PDZD9: variants seen among roughly 807,000 people sequenced by gnomAD.
PDZD9 encodes the protein PDZ domain containing 9.
PDZD9 carries 13 observed loss-of-function variants against 16.3 expected under a neutral mutation model. The observed-to-expected ratio is 0.80, with a 90% CI of 0.52 to 1.27. PDZD9 has a LOEUF of 1.27. PDZD9 is among the 50% of genes most tolerant of loss of function. The pLI, the probability that PDZD9 is intolerant of heterozygous loss-of-function variation, is 0.00. For missense variants in PDZD9, 288 were observed against 310.9 expected, an observed-to-expected ratio of 0.93 and a Z score of 0.55; for synonymous variants, 120 against 111.0, an observed-to-expected ratio of 1.08 and a Z score of -0.51.
chr16:21,997,563 A>T (rs1269122223), intron 1 of PDZD9, among the ~76,000 whole-genome samples: 1 of 152,208 alleles, frequency 6.6e-6, no homozygotes, highest in Non-Finnish European at 1.5e-5. Context: ...GGGTCCTGGC[A>T]CATGTCATGG....
chr16:21,996,455 G>A lies in PDZD9; in HGVS notation c.78C>T (p.Ser26=). The change falls in exon 2 of 4, where the codon AGC becomes AGT. Residue 26 remains serine (S), a synonymous_variant. Coordinates refer to ENST00000424898, the MANE Select transcript of PDZD9 (RefSeq NM_001363519.1). ...CAGTGAGTTTGGTCTGCTGTGTTTT[G>A]CTCAAGTTGTGTACAGATGTTTTGA... ...NKVKTSVHNL[S]KTQQTKLTVG... is the part of the protein sequence containing the mutation. 6.5e-7 allele frequency: 1 copy of A among 1,536,124 alleles called. No homozygotes were observed. The highest frequency in any genetic ancestry group is 1.4e-5 in the African/African-American group (1 of 73,158).
At chr16:21,999,137 A>T (rs1193821141) in intron 1 of PDZD9, 1 of 154,264 alleles carries the variant, frequency 6.5e-6, no homozygotes, top group Non-Finnish European at 1.5e-5. Context: ...CAAGGAAAAC[A>T]CTGAAGATGG....
the PDZD9 span, among the ~76,000 whole-genome samples, chr16:21,961,824 G>T: frequency 6.6e-6 from 1 of 150,940 alleles, no homozygotes; most frequent in Non-Finnish European, 1.5e-5. Flanking sequence ...GCTAATTTTT[G>T]TATTTTCAGT....
chr16:21,981,734 G>T (rs1898733835), downstream of PDZD9, among the ~76,000 whole-genome samples: 1 of 151,950 alleles, frequency 6.6e-6, no homozygotes, highest in Non-Finnish European at 1.5e-5. Flanking sequence ...CTGTACTCCA[G>T]GCTGGGCAAC....
At chr16:21,987,275 C>G (rs1043316282) in intron 3 of PDZD9, among the ~76,000 whole-genome samples, 37 of 152,050 alleles carry the variant, frequency 2.4e-4, no homozygotes, top group African/African-American at 8.5e-4. Flanking sequence ...CAAAAATTAG[C>G]TGGGTGTGTT....
chr16:21,981,199 T>C (rs1898717886), downstream of PDZD9, among the ~76,000 whole-genome samples: 2 of 152,170 alleles, frequency 1.3e-5, no homozygotes, highest in African/African-American at 4.8e-5. Context: ...TAGGACATTC[T>C]CTTGTTCTTG....
At chr16:21,957,647 C>G in the PDZD9 span, 1 of 1,508,310 alleles carries the variant, frequency 6.6e-7, no homozygotes, top group Admixed American at 2.2e-5. Flanking sequence ...AGATCAATGT[C>G]TTTATATTTT....
At chr16:21,958,002 A>G in the PDZD9 span, among the ~76,000 whole-genome samples, 4 of 152,242 alleles carry the variant, frequency 2.6e-5, no homozygotes, top group Admixed American at 1.3e-4. Flanking sequence ...CTATAATTCA[A>G]TATGATGTCA....
At chr16:21,973,862 G>A in the PDZD9 span, 1 of 1,595,308 alleles carries the variant, frequency 6.3e-7, no homozygotes. Context: ...TTACTTGGTA[G>A]AATATCATAC....
chr16:21,984,302 C>G lies in PDZD9; in HGVS notation c.760G>C (p.Glu254Gln). 1.1e-5 allele frequency: 17 copies of G among 1,614,028 alleles called. No individual in the cohort carries two copies. The highest frequency in any genetic ancestry group is 1.4e-5 in the Non-Finnish European group (16 of 1,179,946). The stretch of plus-strand genomic sequence containing the variant: ...TTTGATACCAGTTGGGCTTTACCCT[C>G]TTCAACTTGGGCACAATCTTCCAGC... The part of the protein sequence containing the change: ...FWLEDCAQVE[E>Q]GKAQLVSKVG The change falls in exon 4 of 4, where the codon GAG becomes CAG. Residue 254 changes from glutamate to glutamine, a missense_variant. Coordinates refer to ENST00000424898, the MANE Select transcript of PDZD9 (RefSeq NM_001363519.1).
chr16:21,972,067 A>G, the PDZD9 span: 3 of 1,614,100 alleles, frequency 1.9e-6, no homozygotes, highest in South Asian at 3.3e-5. Context: ...AGGGGCAGCA[A>G]CACCACCAGC....
At chr16:21,976,087 G>A in the PDZD9 span, 1 of 894,612 alleles carries the variant, frequency 1.1e-6, no homozygotes. Context: ...CTGTGTTTTT[G>A]CCTCAGTAAA....
the PDZD9 span, among the ~76,000 whole-genome samples, chr16:21,977,281 G>A: frequency 5.3e-5 from 8 of 151,910 alleles, no homozygotes; most frequent in Admixed American, 1.3e-4. Context: ...TTGAGCCCAC[G>A]AGTTTGAGGC....
chr16:21,984,365 A>T lies in PDZD9; in HGVS notation c.697T>A (p.Ser233Thr). 3.1e-6 allele frequency: 5 copies of T among 1,614,140 alleles called. No homozygotes were observed. The highest frequency in any genetic ancestry group is 4.2e-6 in the Non-Finnish European group (5 of 1,180,010). ...GAGGTAGAGGAGGTAGAGGAGGAAG[A>T]GCTTTCATTGTCTTGCTTCACCATT... is the stretch of plus-strand genomic sequence containing the variant. ...WIMVKQDNES[S>T]SSSTSSTSDA... The change falls in exon 4 of 4, where the codon TCT becomes ACT. Residue 233 changes from serine (S) to threonine (T), a missense_variant. Transcript: ENST00000424898.
At chr16:21,983,142 G>A, downstream of PDZD9, 1 of 1,613,998 alleles carries the variant, frequency 6.2e-7, no homozygotes, top group Non-Finnish European at 8.5e-7. Context: ...TGGAAATTTG[G>A]GACATACACC....
In PDZD9 at chr16:21,988,699, C is replaced by T. The variant is rs539737511; in HGVS notation, c.304G>A (p.Val102Met). The change falls in exon 3 of 4, where the codon GTG becomes ATG. Residue 102 changes from valine to methionine, a missense_variant. Physicochemically the swap from Val to Met is conservative, Grantham distance 21. Transcript: ENST00000424898. ...TCTCGGTAAACCTTGATTTGTAGCA[C>T]TGTTCCAATAGTGATATGTTGCAAA... is the stretch of plus-strand genomic sequence containing the variant. ...QLLQHITIGT[V>M]LQIKVYRDFI... The T allele has an allele frequency of 6.2e-7, 1 of 1,612,892 alleles. No individual in the cohort carries two copies. Among genetic ancestry groups the T allele is most frequent in the East Asian group, 2.2e-5 (1 of 44,856 alleles).
rs557769281 is a variant in PDZD9 at position 21,995,148 on chromosome 16, G to A, written c.211+1174C>T. On this transcript the variant is annotated intron_variant, in intron 2 of 3. Coordinates refer to ENST00000424898, the MANE Select transcript of PDZD9 (RefSeq NM_001363519.1). ...TCCCCCTTCCTGTTCTCGTGATAGC[G>A]AGTGAGTTCTTATGAGATCTGGTTG... is the stretch of plus-strand genomic sequence containing the variant. 16 of 437,464 alleles carry A rather than the reference G, an allele frequency of 3.7e-5. No homozygotes were observed. The East Asian group carries it at 4.6e-4, about 12-fold the overall frequency. The allele number at this position is 437,464 out of a possible 1,614,324, so 27.1% of individuals were successfully genotyped here.
At chr16:21,957,870 A>G in the PDZD9 span, among the ~76,000 whole-genome samples, 1 of 152,124 alleles carries the variant, frequency 6.6e-6, no homozygotes, top group East Asian at 1.9e-4. Flanking sequence ...ACAACCCTTC[A>G]TGTTCCTTGA....
intron 2 of PDZD9, among the ~76,000 whole-genome samples, chr16:21,993,147 C>T (rs922243197): frequency 5.9e-5 from 9 of 152,168 alleles, no homozygotes; most frequent in Non-Finnish European, 1.3e-4. Flanking sequence ...AGTATCTTTA[C>T]AGCAGTGTAA....
Sources: allele counts gnomAD v4.1 joint callset (sites outside exome capture counted in the v4.1 genomes callset), GRCh38; gene constraint gnomAD v4.1.1; transcripts MANE v1.5; gene names NCBI Gene and HGNC (gene_info 2026-07-23, HGNC 2026-07-21).